Variants in CFAP44 observed in about 807,000 individuals in gnomAD.
The protein encoded by CFAP44 is cilia- and flagella-associated protein 44.
CFAP44 carries 134 observed loss-of-function variants against 216.2 expected under a neutral mutation model. The ratio of observed to expected loss-of-function variants is 0.62; its 90% CI spans 0.54 to 0.72. The LOEUF (loss-of-function observed/expected upper bound fraction) is 0.72. Ranked by LOEUF, CFAP44 falls within the 30% of genes least tolerant of loss-of-function variation. The probability of loss-of-function intolerance (pLI) is 0.00; values close to 1 mark genes in which losing one functional copy is unlikely to be tolerated. For missense variants in CFAP44, 2,035 were observed against 2,182.1 expected, an observed-to-expected ratio of 0.93 and a Z score of 1.34; for synonymous variants, 700 against 727.6, an observed-to-expected ratio of 0.96 and a Z score of 0.61.
chr3:113,360,293 C>T (rs1489895259), intron 21 of CFAP44: 2 of 202,848 alleles, frequency 9.9e-6, no homozygotes, highest in Non-Finnish European at 2.1e-5. Context: ...ATACACCAGA[C>T]ACCTTATTAT....
At chr3:113,294,927 G>A in intron 33 of CFAP44, 106 bp from the exon 34 acceptor site, 2 of 1,288,094 alleles carry the variant, frequency 1.6e-6, no homozygotes, top group Middle Eastern at 1.9e-4. Context: ...GGAGCAATGT[G>A]CCCATATGAA....
At position 113,296,897 on chromosome 3, in the gene CFAP44, C is replaced by A; in HGVS notation, c.5078-12G>T. ...TGTTTCCTCCATTTCTAAAAGAAGA[C>A]AGTCACTGGCTCAGGTTGTTCAATG... On this transcript the variant is annotated splice_polypyrimidine_tract_variant and intron_variant, in intron 32 of 34. Transcript: ENST00000393845. The A allele has an allele frequency of 1.3e-6, 2 of 1,537,214 alleles. No homozygotes were observed. The highest frequency in any genetic ancestry group is 2.4e-5 in the South Asian group (2 of 84,060).
chr3:113,399,629 C>T (rs924998046), intron 13 of CFAP44, among the ~76,000 whole-genome samples: 2 of 152,008 alleles, frequency 1.3e-5, no homozygotes, highest in African/African-American at 2.4e-5. Context: ...TCAGATGGAT[C>T]GAGGCTAGAT....
At chr3:113,303,698 G>C (rs1949959541) in intron 32 of CFAP44, among the ~76,000 whole-genome samples, 1 of 152,142 alleles carries the variant, frequency 6.6e-6, no homozygotes. Flanking sequence ...AAGAGAAGAT[G>C]ATTCTATGAC....
chr3:113,412,935 T>C (rs1934531040), intron 6 of CFAP44, among the ~76,000 whole-genome samples: 2 of 152,190 alleles, frequency 1.3e-5, no homozygotes, highest in Non-Finnish European at 2.9e-5. Flanking sequence ...TGTAGATCCT[T>C]GAGGAATCGC....
At chr3:113,431,372 C>T (rs1270061363) in intron 2 of CFAP44, among the ~76,000 whole-genome samples, 1 of 152,086 alleles carries the variant, frequency 6.6e-6, no homozygotes, top group Non-Finnish European at 1.5e-5. Context: ...AAGGCAGGTC[C>T]TGAAGGCAAT....
intron 6 of CFAP44, among the ~76,000 whole-genome samples, chr3:113,412,477 T>C (rs1278974800): frequency 1.3e-5 from 2 of 151,894 alleles, no homozygotes; most frequent in Non-Finnish European, 1.5e-5. Context: ...ATGTGTGCCA[T>C]GGTGGTCTGC....
chr3:113,430,427 ATG>A (rs1491307456), intron 2 of CFAP44, among the ~76,000 whole-genome samples: 19 of 90,424 alleles, frequency 2.1e-4, no homozygotes, highest in East Asian at 1.1e-3. Context: ...GGAAAAATAA[ATG>A]AAAAAAAAAA....
chr3:113,362,031 C>A (rs765441488), intron 21 of CFAP44, among the ~76,000 whole-genome samples: 3 of 151,560 alleles, frequency 2.0e-5, no homozygotes, highest in Admixed American at 6.6e-5. Context: ...TAACTGCCAC[C>A]AGAGCTGCTG....
At chr3:113,404,667 A>T (rs1305982128) in intron 8 of CFAP44, among the ~76,000 whole-genome samples, 1 of 152,216 alleles carries the variant, frequency 6.6e-6, no homozygotes, top group Non-Finnish European at 1.5e-5. Flanking sequence ...TTTATCAGGG[A>T]TACCATGTAC....
chr3:113,324,852 C>T (rs375827016), intron 28 of CFAP44, among the ~76,000 whole-genome samples: 173 of 152,296 alleles, frequency 1.1e-3, no homozygotes, highest in African/African-American at 3.9e-3. Flanking sequence ...ATTACTTTTG[C>T]ACCAACCTAA....
intron 14 of CFAP44, 139 bp downstream of exon 14, chr3:113,396,379 A>G: frequency 1.1e-6 from 1 of 908,414 alleles, no homozygotes; most frequent in Non-Finnish European, 1.6e-6. Context: ...CTGAAAGAAT[A>G]TGACTACAAA....
intron 28 of CFAP44, among the ~76,000 whole-genome samples, chr3:113,320,165 AAAG>A (rs1289425404): frequency 6.6e-6 from 1 of 152,076 alleles, no homozygotes; most frequent in African/African-American, 2.4e-5. Flanking sequence ...CCAGACATAC[AAAG>A]AAGAATTGGT....
chr3:113,376,330 A>G (rs985144588), intron 17 of CFAP44, among the ~76,000 whole-genome samples: 1 of 152,232 alleles, frequency 6.6e-6, no homozygotes, highest in African/African-American at 2.4e-5. Flanking sequence ...AGCATTGTCA[A>G]GTTGGATATA....
chr3:113,408,918 A>G (rs1291544274), intron 7 of CFAP44, among the ~76,000 whole-genome samples, 188 bp downstream of exon 7: 1 of 151,196 alleles, frequency 6.6e-6, no homozygotes, highest in African/African-American at 2.4e-5. Flanking sequence ...CAGAAATAAA[A>G]TCCCACATAT....
chr3:113,352,861 T>C lies in CFAP44; in HGVS notation c.3065+5884A>G, dbSNP rs553927908. 9.1e-4 allele frequency among the ~76,000 whole-genome samples: 139 copies of C among 152,304 alleles called. 1 individual carries two copies. The highest frequency in any genetic ancestry group is 3.4e-3 in the Middle Eastern group (1 of 294). On this transcript the variant is annotated intron_variant, in intron 22 of 34. Coordinates refer to ENST00000393845, the MANE Select transcript of CFAP44 (RefSeq NM_001164496.2). Reference sequence around the variant, plus strand: ...TATTAGATTGGTAAAGATGAAAACATTGGTAATACCCAGTGTTATTTGGTA... The same window carrying C: ...TATTAGATTGGTAAAGATGAAAACACTGGTAATACCCAGTGTTATTTGGTA...
chr3:113,400,058 G>C (rs764076863), intron 12 of CFAP44, 58 bp from the exon 13 acceptor site: 27 of 1,179,078 alleles, frequency 2.3e-5, no homozygotes, highest in Non-Finnish European at 2.9e-5. Flanking sequence ...TTTAAGTCTT[G>C]GCTCACTTTT....
At chr3:113,423,458 C>A (rs1319937102) in intron 4 of CFAP44, among the ~76,000 whole-genome samples, 1 of 152,018 alleles carries the variant, frequency 6.6e-6, no homozygotes, top group Non-Finnish European at 1.5e-5. Flanking sequence ...TCCTTTTAAT[C>A]CCAGAAGACA....
chr3:113,379,166 T>C, intron 17 of CFAP44, 140 bp downstream of exon 17: 1 of 632,002 alleles, frequency 1.6e-6, no homozygotes. Context: ...ACGACTTCAA[T>C]AGTATTTAAT....
Sources: gnomAD v4.1 joint callset for allele counts (sites outside exome capture counted in the v4.1 genomes callset) on GRCh38, gnomAD v4.1.1 for gene constraint, MANE v1.5 for transcripts, NCBI Gene and HGNC (gene_info 2026-07-23, HGNC 2026-07-21) for gene names.